The following RHBDD1 variants were observed in gnomAD, a reference collection of about 807,000 sequenced individuals.
The protein encoded by RHBDD1 is rhomboid-related protein 4.
A neutral mutation model predicts 36.3 loss-of-function variants in RHBDD1; 38 were observed. The ratio of observed to expected loss-of-function variants is 1.05; its 90% CI spans 0.81 to 1.37. The LOEUF (loss-of-function observed/expected upper bound fraction) is 1.37, where lower values mean the gene tolerates loss of function less well. RHBDD1 is among the 40% of genes most tolerant of loss of function. The pLI is 0.00. For missense variants in RHBDD1, 393 were observed against 377.6 expected, an observed-to-expected ratio of 1.04 and a Z score of -0.34; for synonymous variants, 151 against 136.5, an observed-to-expected ratio of 1.11 and a Z score of -0.74.
the RHBDD1 span, among the ~76,000 whole-genome samples, chr2:226,808,079 G>A: frequency 6.6e-6 from 1 of 152,148 alleles, no homozygotes; most frequent in Admixed American, 6.5e-5. Context: ...GACAGGGGTA[G>A]TGGCAGAAGC....
rs1056086227 is a variant in RHBDD1 at position 226,924,653 on chromosome 2, T to A, written c.856+10302T>A. Among the ~76,000 whole-genome samples, 3 of 152,214 alleles carry A rather than the reference T, an allele frequency of 2.0e-5. No individual in the cohort carries two copies. The South Asian group carries it at 6.2e-4, about 32-fold the overall frequency. On this transcript the variant is annotated intron_variant, in intron 8 of 8. Transcript: ENST00000392062. Reference sequence around the variant, plus strand: ...TTTATTTAGGACCCCAGAGCACTTTTGCCCATGGTGTCAGGGCCTGATGGA... The same window carrying A: ...TTTATTTAGGACCCCAGAGCACTTTAGCCCATGGTGTCAGGGCCTGATGGA...
chr2:226,985,329 T>C (rs1047281079), intron 8 of RHBDD1, among the ~76,000 whole-genome samples: 1 of 152,232 alleles, frequency 6.6e-6, no homozygotes, highest in Non-Finnish European at 1.5e-5. Context: ...AACTGCTAGA[T>C]GCTGGCAAAT....
the RHBDD1 span, among the ~76,000 whole-genome samples, chr2:226,806,399 A>G: frequency 6.6e-6 from 1 of 152,152 alleles, no homozygotes; most frequent in East Asian, 1.9e-4. Context: ...CCCATTTCCC[A>G]TTCCCACCTC....
chr2:226,930,192 G>A (rs999882010), intron 8 of RHBDD1, among the ~76,000 whole-genome samples: 1 of 151,814 alleles, frequency 6.6e-6, no homozygotes, highest in Non-Finnish European at 1.5e-5. Context: ...AAAAGAGCCT[G>A]AATGCCAAAG....
rs370274083 is a variant in RHBDD1 at position 226,867,264 on chromosome 2, C to T, written c.512C>T (p.Pro171Leu). 12 of 1,613,450 alleles carry T rather than the reference C, an allele frequency of 7.4e-6. No individual in the cohort carries two copies. Among genetic ancestry groups the T allele is most frequent in the African/African-American group, 2.7e-5 (2 of 74,890 alleles). ...GFVNILGFPV[P>L]NRFACWVELV... ...GTCAACATTTTGGGCTTTCCTGTAC[C>T]GAACAGATTTGCTTGTTGGGTCGAA... The change falls in exon 5 of 9, where the codon CCG (proline) becomes CTG (leucine). Residue 171 changes from proline to leucine, a missense_variant. Transcript: ENST00000392062.
chr2:226,900,642 TC>T (rs1453703836), intron 5 of RHBDD1, among the ~76,000 whole-genome samples: 1 of 152,224 alleles, frequency 6.6e-6, no homozygotes, highest in Non-Finnish European at 1.5e-5. Flanking sequence ...GAGGCTGTGT[TC>T]AGTCATTATC....
At chr2:226,806,610 A>G in the RHBDD1 span, among the ~76,000 whole-genome samples, 2 of 152,242 alleles carry the variant, frequency 1.3e-5, no homozygotes, top group Admixed American at 6.5e-5. Flanking sequence ...AAATACATTT[A>G]TAAACACATT....
At chr2:226,818,888 A>G in the RHBDD1 span, among the ~76,000 whole-genome samples, 381 of 152,230 alleles carry the variant, frequency 2.5e-3, 5 homozygotes, top group African/African-American at 8.7e-3. Flanking sequence ...AGATGACCTG[A>G]GAGCACTGAG....
chr2:226,860,827 G>T (rs1303426438), intron 3 of RHBDD1, among the ~76,000 whole-genome samples: 2 of 152,090 alleles, frequency 1.3e-5, no homozygotes, highest in Non-Finnish European at 2.9e-5. Flanking sequence ...ATCTCCTTTC[G>T]CATTAAGTAT....
At chr2:226,893,670 G>A (rs1447732534) in intron 5 of RHBDD1, among the ~76,000 whole-genome samples, 1 of 152,166 alleles carries the variant, frequency 6.6e-6, no homozygotes, top group Non-Finnish European at 1.5e-5. Flanking sequence ...TAAGCCAGTG[G>A]TTTTCCACTG....
At chr2:226,909,215 G>A (rs1356567917) in intron 7 of RHBDD1, among the ~76,000 whole-genome samples, 1 of 152,088 alleles carries the variant, frequency 6.6e-6, no homozygotes, top group Non-Finnish European at 1.5e-5. Context: ...TTAAAAGTTG[G>A]TTTTAGGTGT....
intron 8 of RHBDD1, 50 bp downstream of exon 8, chr2:226,914,401 A>G (rs781541194): frequency 1.9e-6 from 3 of 1,557,846 alleles, no homozygotes; most frequent in Non-Finnish European, 8.7e-7. Flanking sequence ...TCATGTGGTA[A>G]GGTAGTCTGA....
At chr2:226,927,633 A>G (rs1199455646) in intron 8 of RHBDD1, among the ~76,000 whole-genome samples, 4 of 152,034 alleles carry the variant, frequency 2.6e-5, no homozygotes, top group East Asian at 1.9e-4. Flanking sequence ...TTCTCCCAGC[A>G]TTTGGTATTT....
At chr2:226,855,944 A>G (rs893593112) in intron 3 of RHBDD1, among the ~76,000 whole-genome samples, 22 of 152,188 alleles carry the variant, frequency 1.4e-4, no homozygotes, top group African/African-American at 5.1e-4. Flanking sequence ...TCCCTACTCT[A>G]ATTCCCTCTG....
intron 7 of RHBDD1, among the ~76,000 whole-genome samples, chr2:226,911,466 G>T (rs1948509694): frequency 6.6e-6 from 1 of 150,864 alleles, no homozygotes; most frequent in Non-Finnish European, 1.5e-5. Flanking sequence ...TTGCAGAATG[G>T]TTGCCACTTT....
chr2:226,853,295 G>A (rs961616974), intron 3 of RHBDD1, among the ~76,000 whole-genome samples: 1 of 152,156 alleles, frequency 6.6e-6, no homozygotes, highest in African/African-American at 2.4e-5. Flanking sequence ...TGGCCACGAA[G>A]CAGAACATTG....
chr2:226,857,839 T>G (rs969739785), intron 3 of RHBDD1, among the ~76,000 whole-genome samples: 2 of 152,096 alleles, frequency 1.3e-5, no homozygotes, highest in African/African-American at 4.8e-5. Context: ...TCATGGAAAT[T>G]CTAGAATTAG....
chr2:226,881,363 C>A (rs1945717511), intron 5 of RHBDD1, among the ~76,000 whole-genome samples: 1 of 152,254 alleles, frequency 6.6e-6, no homozygotes, highest in African/African-American at 2.4e-5. Context: ...TACCCCTACC[C>A]TTGTATGCAA....
At chr2:226,805,810 A>G in the RHBDD1 span, among the ~76,000 whole-genome samples, 1 of 152,156 alleles carries the variant, frequency 6.6e-6, no homozygotes, top group Non-Finnish European at 1.5e-5. Flanking sequence ...ATCTAGAGGT[A>G]GAGCTAGTTG....
Sources: gnomAD v4.1 joint callset for allele counts (sites outside exome capture counted in the v4.1 genomes callset) on GRCh38, gnomAD v4.1.1 for gene constraint, MANE v1.5 for transcripts, NCBI Gene and HGNC (gene_info 2026-07-23, HGNC 2026-07-21) for gene names.